BABAM2: variants seen among roughly 807,000 people sequenced by gnomAD.
BABAM2 encodes BRISC and BRCA1-A complex member 2.
Under a neutral mutation model 54.7 loss-of-function variants are expected in BABAM2, and 31 were observed. That is an observed-to-expected ratio of 0.57 (90% CI 0.43 to 0.77). BABAM2 has a LOEUF of 0.77. Among genes scored for constraint, BABAM2 ranks in the 30% least tolerant of loss-of-function variants. The pLI, the probability that BABAM2 is intolerant of heterozygous loss-of-function variation, is 0.00. For synonymous variants in BABAM2, 167 were observed against 162.9 expected, an observed-to-expected ratio of 1.03 and a Z score of -0.19; for missense variants, 364 against 455.8, an observed-to-expected ratio of 0.80 and a Z score of 1.83.
chr2:27,909,647 C>T lies in BABAM2; in HGVS notation c.128+14963C>T, dbSNP rs372134654. On this transcript the variant is annotated intron_variant, in intron 2 of 11. Coordinates refer to ENST00000379624, the MANE Select transcript of BABAM2 (RefSeq NM_199191.3). ...CCTCTGTTAGCATCATCTTTCTGTG[C>T]TTTCTTCCCTAGAAAGGTCAGAAAA... is the stretch of plus-strand genomic sequence containing the variant. 1.2e-4 allele frequency among the ~76,000 whole-genome samples: 18 copies of T among 152,322 alleles called. 1 individual carries two copies. The highest frequency in any genetic ancestry group is 4.3e-4 in the African/African-American group (18 of 41,576).
intron 3 of BABAM2, among the ~76,000 whole-genome samples, chr2:27,984,982 A>G (rs892777788): frequency 2.0e-5 from 3 of 151,710 alleles, no homozygotes; most frequent in Admixed American, 6.6e-5. Context: ...ACTTAGAATA[A>G]TCGTCTCCAA....
rs139624198 is a variant in BABAM2 at position 28,041,225 on chromosome 2, C to A, written c.496-4500C>A. Among the ~76,000 whole-genome samples the A allele has an allele frequency of 1.2e-3, 187 of 152,224 alleles. 4 individuals carry two copies. In the East Asian group the frequency reaches 0.027, roughly 22 times the overall value. ...ATCAGGCATATATATATACACACCTCTGAGTTTAAAAGTTTTCAAATTGCA... is the reference window on the plus strand; with the variant it reads ...ATCAGGCATATATATATACACACCTATGAGTTTAAAAGTTTTCAAATTGCA... On this transcript the variant is annotated intron_variant, in intron 5 of 11. Coordinates refer to ENST00000379624, the MANE Select transcript of BABAM2 (RefSeq NM_199191.3).
intron 6 of BABAM2, among the ~76,000 whole-genome samples, chr2:28,078,050 T>C (rs1410438224): frequency 3.9e-5 from 6 of 152,042 alleles, no homozygotes; most frequent in Non-Finnish European, 8.8e-5. Context: ...ATTAATAATT[T>C]ATACATTTTA....
chr2:28,254,949 C>T (rs1005625625), intron 10 of BABAM2, among the ~76,000 whole-genome samples: 1 of 151,878 alleles, frequency 6.6e-6, no homozygotes, highest in African/African-American at 2.4e-5. Context: ...GTTGCCCAGG[C>T]TTGTCTCAAA....
At chr2:28,308,385 A>G in intron 11 of BABAM2, 2 of 503,560 alleles carry the variant, frequency 4.0e-6, no homozygotes, top group South Asian at 1.5e-5. Flanking sequence ...CCAATAATTC[A>G]TCATCAGGTT....
intron 7 of BABAM2, among the ~76,000 whole-genome samples, chr2:28,156,882 T>G (rs1431964372): frequency 6.6e-6 from 1 of 152,320 alleles, no homozygotes; most frequent in Middle Eastern, 3.4e-3. Context: ...GTATTACAAA[T>G]TTTTAAATGG....
chr2:27,994,474 A>G lies in BABAM2; in HGVS notation c.300+6387A>G, dbSNP rs183689728. 2.1e-3 allele frequency among the ~76,000 whole-genome samples: 321 copies of G among 152,320 alleles called. 1 individual carries two copies. Among genetic ancestry groups the G allele is most frequent in the African/African-American group, 7.3e-3 (304 of 41,574 alleles). On this transcript the variant is annotated intron_variant, in intron 4 of 11. Transcript: ENST00000379624. Reference sequence around the variant, plus strand: ...AGCCTCACTCATGTCCTGTTCCATCACTATGACCACCTTGCCTCAGAGTAA... The same window carrying G: ...AGCCTCACTCATGTCCTGTTCCATCGCTATGACCACCTTGCCTCAGAGTAA...
chr2:28,119,874 T>C (rs1343978891), intron 6 of BABAM2, among the ~76,000 whole-genome samples: 2 of 152,180 alleles, frequency 1.3e-5, no homozygotes, highest in Admixed American at 6.5e-5. Context: ...TTCAAGAACA[T>C]TGCAGTTATC....
chr2:28,308,996 T>C (rs550663566), intron 11 of BABAM2: 1 of 152,392 alleles, frequency 6.6e-6, no homozygotes, highest in Non-Finnish European at 1.5e-5. Flanking sequence ...CGCCACTAAT[T>C]ATTAATCTCA....
chr2:28,174,479 CTG>C (rs1226838060), intron 7 of BABAM2, among the ~76,000 whole-genome samples: 2 of 152,196 alleles, frequency 1.3e-5, no homozygotes, highest in African/African-American at 4.8e-5. Context: ...GGAGAGAACA[CTG>C]GGATTCAACA....
At chr2:28,141,643 A>G (rs946215448) in intron 7 of BABAM2, among the ~76,000 whole-genome samples, 1 of 152,110 alleles carries the variant, frequency 6.6e-6, no homozygotes, top group Admixed American at 6.6e-5. Flanking sequence ...TAAAACCAGC[A>G]CTTCAGAGCT....
rs1251193454 is a variant in BABAM2, at chr2:28,108,878, G to A, written c.571-20393G>A. Among the ~76,000 whole-genome samples, 5 of 152,106 alleles carry A rather than the reference G, an allele frequency of 3.3e-5. 1 individual carries two copies. In the Middle Eastern group the frequency reaches 0.01, roughly 310 times the overall value. On this transcript the variant is annotated intron_variant, in intron 6 of 11. Transcript: ENST00000379624. ...CAGGAATCAGCAGTCATGGGTTTTG[G>A]TTTCATCTCTGTATCTAATTAGCTC...
chr2:27,940,348 T>C (rs1428660838), intron 3 of BABAM2, among the ~76,000 whole-genome samples: 2 of 152,216 alleles, frequency 1.3e-5, no homozygotes, highest in African/African-American at 4.8e-5. Flanking sequence ...TGTGTTTTTG[T>C]GTACTGTATT....
At chr2:28,165,239 A>T (rs1452296037) in intron 7 of BABAM2, among the ~76,000 whole-genome samples, 1 of 152,174 alleles carries the variant, frequency 6.6e-6, no homozygotes, top group Non-Finnish European at 1.5e-5. Context: ...TGAAGGGTGT[A>T]ATTGGCTCTG....
chr2:28,149,653 C>T (rs368139327), intron 7 of BABAM2, among the ~76,000 whole-genome samples: 17 of 152,304 alleles, frequency 1.1e-4, no homozygotes, highest in African/African-American at 1.7e-4. Flanking sequence ...TCACTCCACA[C>T]GCCTGTACAG....
At chr2:28,178,539 G>A (rs533251123) in intron 7 of BABAM2, among the ~76,000 whole-genome samples, 6 of 151,862 alleles carry the variant, frequency 4.0e-5, no homozygotes, top group Admixed American at 6.6e-5. Context: ...AAATGCTTAC[G>A]TCAAAAAGTA....
chr2:28,078,518 G>A (rs918136956), intron 6 of BABAM2, among the ~76,000 whole-genome samples: 1 of 152,034 alleles, frequency 6.6e-6, no homozygotes, highest in Non-Finnish European at 1.5e-5. Context: ...TTATGAAGAA[G>A]GAAAATGAAT....
At chr2:28,143,924 T>C (rs1358290164) in intron 7 of BABAM2, among the ~76,000 whole-genome samples, 2 of 152,206 alleles carry the variant, frequency 1.3e-5, no homozygotes, top group Admixed American at 1.3e-4. Context: ...ACAGCCTCTT[T>C]ACCTTCTATC....
rs61037409 is a variant in BABAM2 at position 27,908,086 on chromosome 2, C to T, written c.128+13402C>T. Among the ~76,000 whole-genome samples, 1,414 of 151,990 alleles carry T rather than the reference C, an allele frequency of 9.3e-3. 23 individuals carry two copies. Among genetic ancestry groups the T allele is most frequent in the African/African-American group, 0.032 (1,312 of 41,408 alleles). ...AATTCTGTTTAATTTTTTGAGGAAC[C>T]GCTATACTGTTTTCTTTCTGTTTTT... On this transcript the variant is annotated intron_variant, in intron 2 of 11. Transcript: ENST00000379624.
Sources: gnomAD v4.1 joint callset for allele counts (sites outside exome capture counted in the v4.1 genomes callset) on GRCh38, gnomAD v4.1.1 for gene constraint, MANE v1.5 for transcripts, NCBI Gene and HGNC (gene_info 2026-07-23, HGNC 2026-07-21) for gene names.